Variants in ITGA10 observed in about 807,000 individuals in gnomAD.
ITGA10 encodes the protein integrin subunit alpha 10, also known as integrin alpha-10.
ITGA10 carries 105 observed loss-of-function variants against 145.2 expected under a neutral mutation model. The observed-to-expected ratio is 0.72, with a 90% CI of 0.62 to 0.85. ITGA10 has a LOEUF of 0.85. Ranked by LOEUF, ITGA10 falls within the 40% of genes least tolerant of loss-of-function variation. ITGA10 has a pLI of 0.00. For missense variants in ITGA10, 1,317 were observed against 1,444.5 expected (o/e 0.91, Z 1.43); for synonymous variants, 506 against 557.8 (o/e 0.91, Z 1.31).
At chr1:145,898,017 A>T (rs782798575) in intron 18 of ITGA10, 93 bp downstream of exon 18, 3 of 1,292,300 alleles carry the variant, frequency 2.3e-6, no homozygotes, top group Non-Finnish European at 3.4e-6. Flanking sequence ...CCCAGGTCAG[A>T]TTTCACCATG....
In ITGA10 at chr1:145,897,283, G is replaced by A. The variant is rs2101767104; in HGVS notation, c.2631C>T (p.Cys877=). ...TCTGGAAGACAGGATGCCCCACACT[G>A]CAGAGCCGGGCATGAGCAGAAGGGG... ...CAAPSAHARL[C]SVGHPVFQTG... Residue 877 remains cysteine, a synonymous_variant, in exon 21 of 30, where the codon TGC becomes TGT. Transcript: ENST00000369304. The A allele has an allele frequency of 6.2e-7, 1 of 1,614,094 alleles. No homozygotes were observed. Among genetic ancestry groups the A allele is most frequent in the Non-Finnish European group, 8.5e-7 (1 of 1,180,010 alleles).
rs782270947 is a variant in ITGA10, at chr1:145,904,066, T to C, written c.744A>G (p.Ala248=). The change falls in exon 7 of 30, where the codon GCA becomes GCG. Residue 248 remains alanine, a synonymous_variant. Coordinates refer to ENST00000369304, the MANE Select transcript of ITGA10 (RefSeq NM_003637.5). ...CAATGCCTCACCAGGCCACCATTATTGCTTGGGCAGTCTTTGTTTCTCGTC... is the reference window on the plus strand; with the variant it reads ...CAATGCCTCACCAGGCCACCATTATCGCTTGGGCAGTCTTTGTTTCTCGTC... The part of the protein sequence containing the change: ...REGRETKTAQ[A]IMVACTEGFS... 3.7e-6 allele frequency: 6 copies of C among 1,613,924 alleles called. No individual in the cohort carries two copies. The highest frequency in any genetic ancestry group is 2.7e-5 in the African/African-American group (2 of 74,904).
chr1:145,901,983 C>T lies in ITGA10; in HGVS notation c.1188G>A (p.Trp396Ter). 6.2e-7 allele frequency: 1 copy of T among 1,614,126 alleles called. No individual in the cohort carries two copies. The highest frequency in any genetic ancestry group is 8.5e-7 in the Non-Finnish European group (1 of 1,180,016). The change falls in exon 11 of 30, where the codon TGG (tryptophan) becomes TGA (stop). Residue 396 changes from tryptophan (W) to a stop codon, truncating the protein, a stop_gained. Coordinates refer to ENST00000369304, the MANE Select transcript of ITGA10 (RefSeq NM_003637.5). LOFTEE classifies it high-confidence loss of function. This position sits in a 1 kb window ranked among gnomAD's most constrained non-coding sequence, Gnocchi z 4.3. ...ILFGMVGAYD[W>*]GGSVLWLEGG... is the part of the protein sequence containing the mutation. ...CTTCAAGCCATAGCACAGAGCCTCC[C>T]CAGTCATAGGCCCCCACCATCCCAA...
At chr1:145,897,980 A>G (rs1655679305) in intron 18 of ITGA10, 80 bp from the exon 19 acceptor site, 2 of 1,360,184 alleles carry the variant, frequency 1.5e-6, no homozygotes, top group Non-Finnish European at 2.1e-6. Flanking sequence ...TGAAAAGACA[A>G]AAGTGGGTAT....
rs1442234209 is a variant in ITGA10, at chr1:145,899,996, G to T, written c.1922+61C>A. 13 of 1,514,216 alleles carry T rather than the reference G, an allele frequency of 8.6e-6. 1 individual carries two copies. Among genetic ancestry groups the T allele is most frequent in the Non-Finnish European group, 1.2e-5 (13 of 1,127,740 alleles). The allele number at this position is 1,514,216 out of a possible 1,614,324, so 93.8% of individuals were successfully genotyped here. ...ACCAAATCTCCATCTGTGACTTTAA[G>T]GCCCTTGCCTTTAACAGCTATGCTA... On this transcript the variant is annotated intron_variant, in intron 15 of 29. Coordinates refer to ENST00000369304, the MANE Select transcript of ITGA10 (RefSeq NM_003637.5).
rs72047208 is a variant in ITGA10, at chr1:145,907,759, C to CTTTTTTT, written c.53-301_53-295dup. Reference sequence around the variant, plus strand: ...AGACATGTCTGAAAAGGTCAAGTTACTTTTTTTTTTTTTTTTTTTTTTTTT... The same window carrying CTTTTTTT: ...AGACATGTCTGAAAAGGTCAAGTTACTTTTTTTTTTTTTTTTTTTTTTTTTTTTTTTT... On this transcript the variant is annotated intron_variant, in intron 1 of 29. Coordinates refer to ENST00000369304, the MANE Select transcript of ITGA10 (RefSeq NM_003637.5). 1.6e-4 allele frequency: 11 copies of CTTTTTTT among 68,450 alleles called. 1 individual carries two copies. Among genetic ancestry groups the CTTTTTTT allele is most frequent in the African/African-American group, 4.6e-4 (6 of 13,060 alleles). The allele number at this position is 68,450 out of a possible 1,614,324, so 4.2% of individuals were successfully genotyped here. A position where few individuals can be genotyped will look rare whatever the true frequency, so the allele number is the denominator to read the frequency against.
chr1:145,896,201 A>T (rs1655372132), intron 24 of ITGA10, 67 bp downstream of exon 24: 3 of 1,492,938 alleles, frequency 2.0e-6, no homozygotes, highest in Non-Finnish European at 2.8e-6. Context: ...GACCCTTCCC[A>T]TCCTTTTCCC....
rs782058093 is a variant in ITGA10 at position 145,904,034 on chromosome 1, G to A, written c.758+18C>T. ...TTCATTGCTCTAGCCTCCCACACCT[G>A]TCTTCCCAATGCCTCACCAGGCCAC... is the stretch of plus-strand genomic sequence containing the variant. On this transcript the variant is annotated intron_variant, in intron 7 of 29. Coordinates refer to ENST00000369304, the MANE Select transcript of ITGA10 (RefSeq NM_003637.5). The A allele has an allele frequency of 2.5e-6, 4 of 1,613,414 alleles. No homozygotes were observed. In the South Asian group the frequency reaches 4.4e-5, roughly 18 times the overall value.
At chr1:145,897,925 G>C (rs1655669310) in intron 18 of ITGA10, 25 bp from the exon 19 acceptor site, 1 of 1,584,262 alleles carries the variant, frequency 6.3e-7, no homozygotes, top group African/African-American at 1.3e-5. Flanking sequence ...AGGGGCTAAG[G>C]GTTGAGAGGA....
At position 145,907,475 on chromosome 1, in the gene ITGA10, C is replaced by T; in HGVS notation, c.53-10G>A. On this transcript the variant is annotated splice_polypyrimidine_tract_variant and intron_variant, in intron 1 of 29. Transcript: ENST00000369304. ...AAGGGGGAGCAGAGACCTGTGGGGTCAGGATCATAATGTTAGTATGAGGTA... is the reference window on the plus strand; with the variant it reads ...AAGGGGGAGCAGAGACCTGTGGGGTTAGGATCATAATGTTAGTATGAGGTA... 6.2e-7 allele frequency: 1 copy of T among 1,614,020 alleles called. No homozygotes were observed. Among genetic ancestry groups the T allele is most frequent in the South Asian group, 1.1e-5 (1 of 91,072 alleles).
chr1:145,909,867 C>A (rs1657660414), intron 1 of ITGA10, 96 bp downstream of exon 1: 1 of 1,127,224 alleles, frequency 8.9e-7, no homozygotes, highest in Non-Finnish European at 1.4e-6. Context: ...GCTTCCTAAC[C>A]TAAATCCCAA....
At chr1:145,895,000 A>G (rs782609788) in intron 27 of ITGA10, among the ~76,000 whole-genome samples, 1 of 152,166 alleles carries the variant, frequency 6.6e-6, no homozygotes, top group Non-Finnish European at 1.5e-5. Flanking sequence ...TGGTCAGTGG[A>G]GGAAAATACA....
Position 145,892,504 on chromosome 1 carries a change from G to T in ITGA10, c.*294C>A. ...GGCAAAAAAATTATTGATTCCTGGG[G>T]ATAAAAGGACCCCAAACAAAAGCCC... is the stretch of plus-strand genomic sequence containing the variant. On this transcript the variant is annotated 3_prime_UTR_variant, in exon 30 of 30. Transcript: ENST00000369304. The T allele has an allele frequency of 3.2e-6, 1 of 315,588 alleles. No individual in the cohort carries two copies. The highest frequency in any genetic ancestry group is 5.4e-5 in the East Asian group (1 of 18,570). The allele number at this position is 315,588 out of a possible 1,614,324, so 19.5% of individuals were successfully genotyped here. A position where few individuals can be genotyped will look rare whatever the true frequency, so the allele number is the denominator to read the frequency against.
In ITGA10 at chr1:145,900,839, A is replaced by C. The variant is rs1426841368; in HGVS notation, c.1742T>G (p.Leu581Arg). The change falls in exon 14 of 30, where the codon CTG becomes CGG. Residue 581 changes from leucine to arginine, a missense_variant. Physicochemically the swap from Leu to Arg is moderately radical, Grantham distance 102. Transcript: ENST00000369304. ...APLEDGHQGA[L>R]YLYHGTQSGV... is the part of the protein sequence containing the mutation. The stretch of plus-strand genomic sequence containing the variant: ...ACTCTGGGTTCCATGGTACAGGTAC[A>C]GTGCTCCCTGGTGCCCATCTTCCAG... 1.2e-6 allele frequency: 2 copies of C among 1,614,034 alleles called. No individual in the cohort carries two copies. Among genetic ancestry groups the C allele is most frequent in the African/African-American group, 2.7e-5 (2 of 74,908 alleles).
In ITGA10 at chr1:145,904,830, C is replaced by A. The variant is rs1212213205; in HGVS notation, c.482-19G>T. On this transcript the variant is annotated intron_variant, in intron 5 of 29. Coordinates refer to ENST00000369304, the MANE Select transcript of ITGA10 (RefSeq NM_003637.5). ...GGGCAGCCTAGAAGGAAGGAGAACA[C>A]TGAGGTAGAGGACACTGAGCTGGGG... 1 of 1,612,310 alleles carries A rather than the reference C, an allele frequency of 6.2e-7. No individual in the cohort carries two copies. The highest frequency in any genetic ancestry group is 8.5e-7 in the Non-Finnish European group (1 of 1,178,700).
At position 145,900,068 on chromosome 1, in the gene ITGA10, GGCTGCCCCCT is replaced by G; in HGVS notation, c.1901_1910del (p.Gln634ProfsTer12). On this transcript the variant is annotated frameshift_variant, in exon 15 of 30. Coordinates refer to ENST00000369304, the MANE Select transcript of ITGA10 (RefSeq NM_003637.5). LOFTEE classifies it high-confidence loss of function. ...CTGGGACCCCTCACCTGAGCAGGAT[GGCTGCCCCCT>G]GGGCACCCACAGCCACATCGACCAG... 1.9e-6 allele frequency: 3 copies of G among 1,613,506 alleles called. No individual in the cohort carries two copies. The highest frequency in any genetic ancestry group is 2.5e-6 in the Non-Finnish European group (3 of 1,179,728).
chr1:145,908,691 T>C (rs1553752215), intron 1 of ITGA10, among the ~76,000 whole-genome samples: 1 of 152,184 alleles, frequency 6.6e-6, no homozygotes, highest in East Asian at 1.9e-4. Context: ...CCTCTCAGGC[T>C]ACCCCCTCAC....
intron 5 of ITGA10, among the ~76,000 whole-genome samples, chr1:145,905,212 A>G (rs1253705493): frequency 1.3e-5 from 2 of 152,166 alleles, no homozygotes; most frequent in African/African-American, 4.8e-5. Flanking sequence ...GGAATGAAAC[A>G]TGGTAGCAAC....
rs1655410411 is a variant in ITGA10, at chr1:145,896,404, C to T, written c.2835-52G>A. 3.6e-6 allele frequency: 5 copies of T among 1,376,004 alleles called. No homozygotes were observed. The South Asian group carries it at 5.8e-5, about 16-fold the overall frequency. 85.2% of individuals were successfully genotyped at this position (1,376,004 alleles called of 1,614,324 possible). A position where few individuals can be genotyped will look rare whatever the true frequency, so the allele number is the denominator to read the frequency against. ...CATGGTCACAGCCATAACACAGACA[C>T]AGGGGCACATGATCAGCACACAGAC... On this transcript the variant is annotated intron_variant, in intron 23 of 29. Transcript: ENST00000369304.
Sources: gnomAD v4.1 joint callset for allele counts (sites outside exome capture counted in the v4.1 genomes callset) on GRCh38, gnomAD v4.1.1 for gene constraint, Gnocchi (gnomAD v3.1) non-coding constraint, MANE v1.5 for transcripts, NCBI Gene and HGNC (gene_info 2026-07-23, HGNC 2026-07-21) for gene names.